Variants in NTF3 observed in about 807,000 individuals in gnomAD.
NTF3 encodes the protein neurotrophin 3, also known as neurotrophin-3.
NTF3 carries 8 observed loss-of-function variants against 26.3 expected under a neutral mutation model. The observed-to-expected ratio is 0.30, with a 90% CI of 0.18 to 0.55. The LOEUF (loss-of-function observed/expected upper bound fraction) is 0.55. Among genes scored for constraint, NTF3 ranks in the 20% least tolerant of loss-of-function variants. The pLI, the probability that NTF3 is intolerant of heterozygous loss-of-function variation, is 0.93. For synonymous variants in NTF3, 154 were observed against 145.5 expected, an observed-to-expected ratio of 1.06 and a Z score of -0.42; for missense variants, 276 against 352.9, an observed-to-expected ratio of 0.78 and a Z score of 1.75.
intron 1 of NTF3, among the ~76,000 whole-genome samples, chr12:5,449,192 G>A (rs192157161): frequency 3.6e-4 from 55 of 152,342 alleles, no homozygotes; most frequent in African/African-American, 1.3e-3. Context: ...AGACAGCACA[G>A]GGGTGGAAAC....
rs1407244524 is a variant in NTF3, at chr12:5,456,703, T to C, written c.18+24361T>C. Reference sequence around the variant, plus strand: ...GAGGGGAGGTTTGTGTAAGATTCCCTCCCACGGTTCAGCACAGATGGGATG... The same window carrying C: ...GAGGGGAGGTTTGTGTAAGATTCCCCCCCACGGTTCAGCACAGATGGGATG... On this transcript the variant is annotated intron_variant, in intron 1 of 1. Coordinates refer to ENST00000423158, the MANE Select transcript of NTF3 (RefSeq NM_001102654.2). The surrounding 1 kb of genome is among the most constrained non-coding windows in gnomAD (Gnocchi z 4.4). Among the ~76,000 whole-genome samples the C allele has an allele frequency of 2.0e-5, 3 of 151,606 alleles. No individual in the cohort carries two copies. Among genetic ancestry groups the C allele is most frequent in the Non-Finnish European group, 4.4e-5 (3 of 67,870 alleles).
At chr12:5,476,166 A>G (rs1400766240) in intron 1 of NTF3, among the ~76,000 whole-genome samples, 1 of 152,174 alleles carries the variant, frequency 6.6e-6, no homozygotes, top group Admixed American at 6.5e-5. Flanking sequence ...CCTACCGTGC[A>G]ACCATTACCC....
At chr12:5,462,207 T>C (rs1940533804) in intron 1 of NTF3, among the ~76,000 whole-genome samples, 1 of 151,222 alleles carries the variant, frequency 6.6e-6, no homozygotes, top group Non-Finnish European at 1.5e-5. Context: ...CTCTCTCTCA[T>C]TGAGTTTCAA....
At chr12:5,452,341 C>T (rs954102851) in intron 1 of NTF3, among the ~76,000 whole-genome samples, 3 of 152,068 alleles carry the variant, frequency 2.0e-5, no homozygotes, top group Non-Finnish European at 2.9e-5. Flanking sequence ...GTGATCCACC[C>T]GCCTCGGCTT....
At chr12:5,455,088 G>T (rs1332488397) in intron 1 of NTF3, among the ~76,000 whole-genome samples, 1 of 152,156 alleles carries the variant, frequency 6.6e-6, no homozygotes, top group East Asian at 1.9e-4. Flanking sequence ...GGAGCACTGG[G>T]CTCCGGCCTC....
intron 1 of NTF3, among the ~76,000 whole-genome samples, chr12:5,442,503 A>G (rs1940252120): frequency 6.6e-6 from 1 of 152,060 alleles, no homozygotes; most frequent in Admixed American, 6.5e-5. Context: ...GGGTGAGTCC[A>G]CCTCAGGCCC....
At chr12:5,492,080 G>C (rs1334565506) in intron 1 of NTF3, among the ~76,000 whole-genome samples, 1 of 152,046 alleles carries the variant, frequency 6.6e-6, no homozygotes, top group African/African-American at 2.4e-5. Flanking sequence ...AAGATTAGAT[G>C]GCCTCTTTAT....
intron 1 of NTF3, among the ~76,000 whole-genome samples, chr12:5,492,441 T>A (rs1311414703): frequency 6.6e-6 from 1 of 152,234 alleles, no homozygotes; most frequent in East Asian, 1.9e-4. Context: ...TAATCCTAGT[T>A]GTATGCCATA....
Position 5,485,404 on chromosome 12 carries a change from CAG to C in NTF3, c.19-8789_19-8788del, listed in dbSNP as rs1013448611. On this transcript the variant is annotated intron_variant, in intron 1 of 1. Transcript: ENST00000423158. The stretch of plus-strand genomic sequence containing the variant: ...AGTTAGGCCTGTGGGATCACAGAGA[CAG>C]GGGTTTGTTCCCTGGCTCTGTCTCT... 1.2e-4 allele frequency among the ~76,000 whole-genome samples: 19 copies of C among 152,188 alleles called. 1 individual carries two copies. Among genetic ancestry groups the C allele is most frequent in the South Asian group, 6.2e-4 (3 of 4,828 alleles).
chr12:5,469,125 A>T (rs1379034888), intron 1 of NTF3, among the ~76,000 whole-genome samples: 1 of 152,136 alleles, frequency 6.6e-6, no homozygotes, highest in Non-Finnish European at 1.5e-5. Context: ...TGTCTCAAAA[A>T]AAAAAAGAGG....
At position 5,432,245 on chromosome 12, in the gene NTF3, T is replaced by C. The variant is rs376601485; in HGVS notation, c.-80T>C. The C allele has an allele frequency of 1.4e-6, 2 of 1,414,494 alleles. No individual in the cohort carries two copies. The highest frequency in any genetic ancestry group is 1.9e-6 in the Non-Finnish European group (2 of 1,029,018). The allele number at this position is 1,414,494 out of a possible 1,614,324, so 87.6% of individuals were successfully genotyped here. On this transcript the variant is annotated 5_prime_UTR_variant, in exon 1 of 2. Coordinates refer to ENST00000423158, the MANE Select transcript of NTF3 (RefSeq NM_001102654.2). ...CTGCTGGGTAGTGGCTGCGGCGGGG[T>C]GGGGGAGACTTTGAATGACCGAGCT... is the stretch of plus-strand genomic sequence containing the variant.
At chr12:5,472,640 G>A (rs143159514) in intron 1 of NTF3, among the ~76,000 whole-genome samples, 4 of 152,138 alleles carry the variant, frequency 2.6e-5, no homozygotes, top group Non-Finnish European at 5.9e-5. Flanking sequence ...TCACAATGCC[G>A]GGTGACAAGG....
At chr12:5,447,540 C>A (rs757620720) in intron 1 of NTF3, among the ~76,000 whole-genome samples, 1 of 152,210 alleles carries the variant, frequency 6.6e-6, no homozygotes, top group Non-Finnish European at 1.5e-5. Context: ...AATCACTGTA[C>A]GCACAACCTC....
At chr12:5,488,431 A>T (rs533537573) in intron 1 of NTF3, among the ~76,000 whole-genome samples, 18 of 152,178 alleles carry the variant, frequency 1.2e-4, no homozygotes, top group Non-Finnish European at 1.9e-4. Context: ...CCAAAACCAG[A>T]CCAATCCCCA....
intron 1 of NTF3, among the ~76,000 whole-genome samples, chr12:5,471,025 T>C (rs1389612876): frequency 6.6e-6 from 1 of 152,186 alleles, no homozygotes; most frequent in African/African-American, 2.4e-5. Context: ...ATTCATTTTC[T>C]GCATTACTGG....
intron 1 of NTF3, among the ~76,000 whole-genome samples, chr12:5,455,194 G>C (rs1021753699): frequency 6.6e-6 from 1 of 152,150 alleles, no homozygotes; most frequent in Non-Finnish European, 1.5e-5. Flanking sequence ...GCCTGCCTGC[G>C]CTCTTGAAAC....
intron 1 of NTF3, among the ~76,000 whole-genome samples, chr12:5,443,546 A>G (rs1259742711): frequency 6.6e-6 from 1 of 152,160 alleles, no homozygotes; most frequent in Non-Finnish European, 1.5e-5. Flanking sequence ...CCAAAAATAT[A>G]TGTGCATGGT....
intron 1 of NTF3, among the ~76,000 whole-genome samples, chr12:5,446,247 T>C (rs1412413521): frequency 6.6e-6 from 1 of 152,194 alleles, no homozygotes; most frequent in Non-Finnish European, 1.5e-5. Context: ...AGGCAGATAT[T>C]ATACCAGACT....
intron 1 of NTF3, among the ~76,000 whole-genome samples, chr12:5,460,240 T>C (rs977474148): frequency 5.9e-5 from 9 of 152,234 alleles, no homozygotes; most frequent in Non-Finnish European, 1.2e-4. Context: ...CTTTGTGTTT[T>C]ACAGTTTTAT....
Sources: allele counts gnomAD v4.1 joint callset (sites outside exome capture counted in the v4.1 genomes callset), GRCh38; gene constraint gnomAD v4.1.1; non-coding constraint Gnocchi (gnomAD v3.1); transcripts MANE v1.5; gene names NCBI Gene and HGNC (gene_info 2026-07-23, HGNC 2026-07-21).